Variants in NPM1 observed in about 807,000 individuals in gnomAD.
The protein encoded by NPM1 is nucleophosmin 1.
In NPM1, 1 loss-of-function variant was observed where a neutral mutation model predicts 44.1. The ratio of observed to expected loss-of-function variants is 0.02; its 90% CI spans 0.01 to 0.11. The LOEUF (loss-of-function observed/expected upper bound fraction) is 0.11. Ranked by LOEUF, NPM1 falls within the 10% of genes least tolerant of loss-of-function variation. The pLI, the probability that NPM1 is intolerant of heterozygous loss-of-function variation, is 1.00. For missense variants in NPM1, 197 were observed against 347.8 expected, an observed-to-expected ratio of 0.57 and a Z score of 3.45; for synonymous variants, 126 against 111.8, an observed-to-expected ratio of 1.13 and a Z score of -0.80.
At chr5:171,389,733 A>G (rs1024416430) in intron 1 of NPM1, among the ~76,000 whole-genome samples, 2 of 152,238 alleles carry the variant, frequency 1.3e-5, no homozygotes, top group African/African-American at 2.4e-5. Flanking sequence ...AACATTGGAC[A>G]TTACATTTGG....
chr5:171,392,640 T>A, intron 4 of NPM1, 70 bp from the exon 5 acceptor site: 1 of 919,262 alleles, frequency 1.1e-6, no homozygotes, highest in South Asian at 1.6e-5. Context: ...GAGTATTTAC[T>A]ATCAGTGTTC....
At chr5:171,393,570 A>G (rs969702328) in intron 6 of NPM1, among the ~76,000 whole-genome samples, 2 of 152,258 alleles carry the variant, frequency 1.3e-5, no homozygotes, top group African/African-American at 4.8e-5. Flanking sequence ...GCACACTGGT[A>G]TAAAGTACTG....
At chr5:171,407,180 A>ATG (rs1771614831) in intron 9 of NPM1, 1 of 153,910 alleles carries the variant, frequency 6.5e-6, no homozygotes. Context: ...GATTAGTGAA[A>ATG]TGTAATTACT....
At chr5:171,405,752 T>G (rs1257944477) in intron 9 of NPM1, 2 of 227,406 alleles carry the variant, frequency 8.8e-6, no homozygotes, top group Non-Finnish European at 1.7e-5. Context: ...CGTATGAGAC[T>G]TCATTAAAAT....
At chr5:171,402,229 AC>A (rs1246448786) in intron 8 of NPM1, among the ~76,000 whole-genome samples, 1 of 150,766 alleles carries the variant, frequency 6.6e-6, no homozygotes, top group Non-Finnish European at 1.5e-5. Context: ...CAAAAGACAT[AC>A]AAGTGGCCAA....
chr5:171,389,506 T>G (rs1770459458), intron 1 of NPM1, among the ~76,000 whole-genome samples: 1 of 152,222 alleles, frequency 6.6e-6, no homozygotes, highest in Non-Finnish European at 1.5e-5. Context: ...ACCCTCCTTG[T>G]CTTAAACATA....
At chr5:171,406,377 T>C in intron 9 of NPM1, 9 of 1,606,220 alleles carry the variant, frequency 5.6e-6, no homozygotes, top group Non-Finnish European at 7.7e-6. Context: ...TATGGTCCTA[T>C]CTCCTTGGTT....
At chr5:171,408,060 T>C (rs1771659270) in intron 10 of NPM1, among the ~76,000 whole-genome samples, 1 of 152,212 alleles carries the variant, frequency 6.6e-6, no homozygotes, top group African/African-American at 2.4e-5. Flanking sequence ...ACTATGTTGG[T>C]TAAGGAAATT....
intron 8 of NPM1, among the ~76,000 whole-genome samples, chr5:171,403,754 T>C (rs1581255058): frequency 8.2e-6 from 1 of 121,958 alleles, no homozygotes; most frequent in Non-Finnish European, 1.7e-5. Context: ...CCCACCTCCC[T>C]CCCGGACGGG....
chr5:171,394,621 A>T (rs1770779078), intron 6 of NPM1, among the ~76,000 whole-genome samples: 1 of 152,204 alleles, frequency 6.6e-6, no homozygotes, highest in South Asian at 2.1e-4. Flanking sequence ...CACTTTTAAG[A>T]ATATTTCTCG....
chr5:171,393,572 A>G (rs1354013824), intron 6 of NPM1, among the ~76,000 whole-genome samples: 4 of 152,242 alleles, frequency 2.6e-5, no homozygotes, highest in Non-Finnish European at 4.4e-5. Context: ...ACACTGGTAT[A>G]AAGTACTGTT....
intron 1 of NPM1, 24 bp downstream of exon 1, chr5:171,388,030 C>A (rs752546879): frequency 1.5e-6 from 2 of 1,378,158 alleles, no homozygotes; most frequent in Non-Finnish European, 2.0e-6. Flanking sequence ...GGAGCTGGAG[C>A]GAGGCCGAGC....
intron 10 of NPM1, 64 bp from the exon 11 acceptor site, chr5:171,410,463 T>G: frequency 1.0e-6 from 1 of 993,054 alleles, no homozygotes; most frequent in Non-Finnish European, 1.5e-6. Flanking sequence ...AAGAGACATT[T>G]AATTTATTGA....
At chr5:171,400,757 C>G in intron 7 of NPM1, 82 bp from the exon 8 acceptor site, 1 of 916,728 alleles carries the variant, frequency 1.1e-6, no homozygotes, top group Non-Finnish European at 1.8e-6. Context: ...GTGGTTGCTG[C>G]TTGTCTTACA....
In NPM1 at chr5:171,391,750, G is replaced by A; in HGVS notation, c.303G>A (p.Arg101=). The A allele has an allele frequency of 2.5e-6, 4 of 1,611,848 alleles. No individual in the cohort carries two copies. The highest frequency in any genetic ancestry group is 4.5e-5 in the East Asian group (2 of 44,884). ...AAATAACACCACCAGTGGTCTTAAG[G>A]TTGAAGTGTGGTTCAGGGCCAGTGC... The part of the protein sequence containing the change: ...GFEITPPVVL[R]LKCGSGPVHI... The change falls in exon 4 of 11, where the codon AGG becomes AGA. Residue 101 remains arginine (R), a synonymous_variant. Transcript: ENST00000296930.
chr5:171,388,911 G>T (rs1770424861), intron 1 of NPM1, among the ~76,000 whole-genome samples: 2 of 152,210 alleles, frequency 1.3e-5, no homozygotes, highest in African/African-American at 4.8e-5. Context: ...AAACCAAGAC[G>T]CTTGACTCCG....
At chr5:171,408,689 A>C (rs1159445236) in intron 10 of NPM1, among the ~76,000 whole-genome samples, 1 of 152,166 alleles carries the variant, frequency 6.6e-6, no homozygotes, top group Non-Finnish European at 1.5e-5. Context: ...CTAAAGTTTA[A>C]AGTGTGAGTT....
At chr5:171,409,653 C>G (rs551723486) in intron 10 of NPM1, among the ~76,000 whole-genome samples, 2 of 152,306 alleles carry the variant, frequency 1.3e-5, no homozygotes, top group South Asian at 2.1e-4. Flanking sequence ...CCTGAGTCAT[C>G]TCATTTCTAG....
At position 171,410,639 on chromosome 5, in the gene NPM1, C is replaced by G; in HGVS notation, c.*74C>G. Reference sequence around the variant, plus strand: ...TCTGTAACAGTTGATATCTGGCTGTCCTTTTTATAATGCAGAGTGAGAACT... The same window carrying G: ...TCTGTAACAGTTGATATCTGGCTGTGCTTTTTATAATGCAGAGTGAGAACT... On this transcript the variant is annotated 3_prime_UTR_variant, in exon 11 of 11. Transcript: ENST00000296930. 2.4e-6 allele frequency: 2 copies of G among 818,462 alleles called. No individual in the cohort carries two copies. The highest frequency in any genetic ancestry group is 1.7e-5 in the South Asian group (1 of 60,446). 50.7% of individuals were successfully genotyped at this position (818,462 alleles called of 1,614,324 possible). A position where few individuals can be genotyped will look rare whatever the true frequency, so the allele number is the denominator to read the frequency against.
Sources: gnomAD v4.1 joint callset for allele counts (sites outside exome capture counted in the v4.1 genomes callset) on GRCh38, gnomAD v4.1.1 for gene constraint, MANE v1.5 for transcripts, NCBI Gene and HGNC (gene_info 2026-07-23, HGNC 2026-07-21) for gene names.